The following LARGE1 variants were observed in gnomAD, a reference collection of about 807,000 sequenced individuals.
LARGE1 encodes the protein xylosyl- and glucuronyltransferase LARGE1.
A neutral mutation model predicts 87.6 loss-of-function variants in LARGE1; 43 were observed. The ratio of observed to expected loss-of-function variants is 0.49; its 90% confidence interval spans 0.38 to 0.63. LARGE1 has a LOEUF of 0.63. Among genes scored for constraint, LARGE1 ranks in the 30% least tolerant of loss-of-function variants. The probability of loss-of-function intolerance (pLI) is 0.00; values close to 1 mark genes in which losing one functional copy is unlikely to be tolerated. For synonymous variants in LARGE1, 434 were observed against 394.6 expected, an observed-to-expected ratio of 1.10 and a Z score of -1.18; for missense variants, 802 against 1,000.2, an observed-to-expected ratio of 0.80 and a Z score of 2.67.
intron 11 of LARGE1, among the ~76,000 whole-genome samples, chr22:33,209,333 A>G (rs1232865445): frequency 6.6e-6 from 1 of 152,212 alleles, no homozygotes; most frequent in Non-Finnish European, 1.5e-5. Flanking sequence ...GATGCGATCT[A>G]TGGTAATTTT....
downstream of LARGE1, among the ~76,000 whole-genome samples, chr22:33,160,317 T>C (rs1027212070): frequency 1.3e-5 from 2 of 152,224 alleles, no homozygotes; most frequent in Admixed American, 1.3e-4. Flanking sequence ...TTAATGAGTC[T>C]GTGTATCTGC....
intron 11 of LARGE1, among the ~76,000 whole-genome samples, chr22:33,201,786 A>G (rs750229851): frequency 2.0e-5 from 3 of 152,172 alleles, no homozygotes; most frequent in Non-Finnish European, 4.4e-5. Flanking sequence ...CATGAACGAA[A>G]TGGAGATCCG....
At chr22:33,860,185 TCTCA>T (rs1231506885) in intron 1 of LARGE1, among the ~76,000 whole-genome samples, 2 of 152,164 alleles carry the variant, frequency 1.3e-5, no homozygotes, top group South Asian at 2.1e-4. Context: ...ACAGACAGGG[TCTCA>T]CTATGTTGCC....
intron 5 of LARGE1, among the ~76,000 whole-genome samples, chr22:33,596,807 C>T (rs2078988135): frequency 6.6e-6 from 1 of 152,174 alleles, no homozygotes; most frequent in South Asian, 2.1e-4. Context: ...CTATTATGTG[C>T]CAAGCATTGC....
chr22:33,453,875 T>A (rs1312523140), intron 6 of LARGE1, among the ~76,000 whole-genome samples: 1 of 152,240 alleles, frequency 6.6e-6, no homozygotes, highest in African/African-American at 2.4e-5. Context: ...ATTTTGAACA[T>A]CTACCAGAGG....
At chr22:33,424,724 C>T (rs377760739) in intron 7 of LARGE1, among the ~76,000 whole-genome samples, 1 of 152,068 alleles carries the variant, frequency 6.6e-6, no homozygotes, top group African/African-American at 2.4e-5. Context: ...ACTCTGGAGG[C>T]TGAGGTGAGA....
chr22:33,521,314 G>A (rs1331366314), intron 6 of LARGE1, among the ~76,000 whole-genome samples: 2 of 152,206 alleles, frequency 1.3e-5, no homozygotes, highest in Non-Finnish European at 2.9e-5. Context: ...CGGTGCTCAT[G>A]CCTCTGCAGC....
At chr22:33,770,801 C>T (rs559302639) in intron 1 of LARGE1, among the ~76,000 whole-genome samples, 7 of 152,240 alleles carry the variant, frequency 4.6e-5, no homozygotes, top group African/African-American at 1.7e-4. Context: ...ATACAATCCC[C>T]CACATCACAC....
intron 6 of LARGE1, among the ~76,000 whole-genome samples, chr22:33,474,933 G>C (rs141633750): frequency 6.6e-6 from 1 of 152,296 alleles, no homozygotes; most frequent in East Asian, 1.9e-4. Context: ...AAAGAAGAGA[G>C]CTGAAGTGAG....
At chr22:33,362,218 G>A (rs1178064086) in intron 9 of LARGE1, among the ~76,000 whole-genome samples, 1 of 149,106 alleles carries the variant, frequency 6.7e-6, no homozygotes, top group Non-Finnish European at 1.5e-5. Flanking sequence ...AGATAACAAT[G>A]AAGGTCCTGA....
intron 4 of LARGE1, among the ~76,000 whole-genome samples, chr22:33,617,039 G>A (rs1257989625): frequency 6.6e-6 from 1 of 152,168 alleles, no homozygotes; most frequent in Non-Finnish European, 1.5e-5. Context: ...AGGGAAGGAG[G>A]CCTGCTCTGC....
At chr22:33,868,878 G>A (rs2064189024) in intron 1 of LARGE1, among the ~76,000 whole-genome samples, 1 of 152,150 alleles carries the variant, frequency 6.6e-6, no homozygotes, top group Non-Finnish European at 1.5e-5. Context: ...GGGGTTGCAA[G>A]GTACACGGAT....
intron 6 of LARGE1, among the ~76,000 whole-genome samples, chr22:33,439,693 C>A (rs62225296): frequency 6.6e-6 from 1 of 152,208 alleles, no homozygotes; most frequent in South Asian, 2.1e-4. Flanking sequence ...CCAAAGTGCC[C>A]TACTCTTCAA....
intron 2 of LARGE1, among the ~76,000 whole-genome samples, chr22:33,698,645 T>C (rs2082323905): frequency 6.6e-6 from 1 of 152,188 alleles, no homozygotes. Flanking sequence ...TGGATGGACA[T>C]TTCAGCTCAG....
intron 2 of LARGE1, among the ~76,000 whole-genome samples, chr22:33,660,980 T>C (rs531135454): frequency 1.3e-5 from 2 of 152,258 alleles, no homozygotes; most frequent in East Asian, 3.9e-4. Context: ...CTAAGAATCA[T>C]ATTTTACAGT....
chr22:33,867,622 T>G (rs1333362282), intron 1 of LARGE1, among the ~76,000 whole-genome samples: 1 of 152,174 alleles, frequency 6.6e-6, no homozygotes, highest in Non-Finnish European at 1.5e-5. Flanking sequence ...TTTCATAGGT[T>G]TGCAGCTCCC....
At chr22:33,437,044 C>T (rs1307069974) in intron 6 of LARGE1, among the ~76,000 whole-genome samples, 3 of 152,180 alleles carry the variant, frequency 2.0e-5, no homozygotes, top group East Asian at 1.9e-4. Context: ...TATTAATTCC[C>T]TCACTCCACA....
intron 1 of LARGE1, among the ~76,000 whole-genome samples, chr22:33,882,076 T>G (rs2146764579): frequency 6.7e-6 from 1 of 148,558 alleles, no homozygotes; most frequent in South Asian, 2.1e-4. Context: ...GGAGTCTCGC[T>G]CTGTCACCCA....
At chr22:33,237,299 G>A (rs1926300749) in intron 11 of LARGE1, among the ~76,000 whole-genome samples, 1 of 152,082 alleles carries the variant, frequency 6.6e-6, no homozygotes, top group Admixed American at 6.6e-5. Flanking sequence ...AAACATGCAT[G>A]GTAAGAAACA....
Sources: gnomAD v4.1 joint callset for allele counts (sites outside exome capture counted in the v4.1 genomes callset) on GRCh38, gnomAD v4.1.1 for gene constraint, MANE v1.5 for transcripts, NCBI Gene and HGNC (gene_info 2026-07-23, HGNC 2026-07-21) for gene names.